The following CAMK1D variants were observed in gnomAD, a reference collection of about 807,000 sequenced individuals.
The protein encoded by CAMK1D is calcium/calmodulin-dependent protein kinase type 1D.
CAMK1D carries 9 observed loss-of-function variants against 47.7 expected under a neutral mutation model. The observed-to-expected ratio is 0.19, with a 90% CI of 0.11 to 0.33. CAMK1D has a LOEUF of 0.33. Among genes scored for constraint, CAMK1D ranks in the 10% least tolerant of loss-of-function variants. The pLI, the probability that CAMK1D is intolerant of heterozygous loss-of-function variation, is 1.00. For missense variants in CAMK1D, 291 were observed against 488.7 expected (o/e 0.60, Z 3.81); for synonymous variants, 184 against 184.9 (o/e 0.99, Z 0.04).
chr10:12,701,046 T>C (rs1434665405), intron 3 of CAMK1D, among the ~76,000 whole-genome samples: 1 of 152,250 alleles, frequency 6.6e-6, no homozygotes, highest in Middle Eastern at 3.4e-3. Context: ...TTGGCTATGA[T>C]TGAAAATTTA....
At chr10:12,468,626 G>T (rs1220291289) in intron 1 of CAMK1D, among the ~76,000 whole-genome samples, 1 of 152,206 alleles carries the variant, frequency 6.6e-6, no homozygotes, top group Non-Finnish European at 1.5e-5. Flanking sequence ...AGCACTGCCT[G>T]TGTTCTCTGG....
At chr10:12,799,067 G>A (rs1043706627) in intron 6 of CAMK1D, among the ~76,000 whole-genome samples, 2 of 152,180 alleles carry the variant, frequency 1.3e-5, no homozygotes, top group Non-Finnish European at 2.9e-5. Context: ...AGGCCAGGAG[G>A]GGAGGGATTC....
At chr10:12,615,344 GTAAT>G (rs984736412) in intron 2 of CAMK1D, among the ~76,000 whole-genome samples, 17 of 152,328 alleles carry the variant, frequency 1.1e-4, no homozygotes, top group South Asian at 4.1e-4. Context: ...ATATATTGGA[GTAAT>G]TAATTTACTC....
At chr10:12,686,313 T>TTTTA (rs1180542071) in intron 3 of CAMK1D, among the ~76,000 whole-genome samples, 6 of 152,142 alleles carry the variant, frequency 3.9e-5, no homozygotes, top group Admixed American at 2.6e-4. Context: ...AGTACATACT[T>TTTTA]TTTATTTATT....
rs1329077044 is a variant in CAMK1D at position 12,492,705 on chromosome 10, C to T, written c.93-60520C>T. 4.6e-5 allele frequency among the ~76,000 whole-genome samples: 7 copies of T among 152,312 alleles called. No individual in the cohort carries two copies. The East Asian group carries it at 1.3e-3, about 29-fold the overall frequency. ...TGACAGTCATGGTATCACATGGTGA[C>T]ACTCACCATTTAAGGGCCACAGGAC... On this transcript the variant is annotated intron_variant, in intron 1 of 10. Coordinates refer to ENST00000619168, the MANE Select transcript of CAMK1D (RefSeq NM_153498.4).
intron 4 of CAMK1D, among the ~76,000 whole-genome samples, chr10:12,768,158 C>T (rs1490095944): frequency 2.0e-5 from 3 of 152,208 alleles, no homozygotes; most frequent in African/African-American, 4.8e-5. Flanking sequence ...CAGGTGTAAA[C>T]CACCGTGCCT....
At chr10:12,436,402 G>A (rs1035600484) in intron 1 of CAMK1D, among the ~76,000 whole-genome samples, 3 of 152,244 alleles carry the variant, frequency 2.0e-5, no homozygotes, top group Non-Finnish European at 4.4e-5. Context: ...TGTCCAAGGA[G>A]AATGAAGAGC....
At position 12,761,093 on chromosome 10, in the gene CAMK1D, C is replaced by T; in HGVS notation, c.438+7C>T. The T allele has an allele frequency of 6.2e-7, 1 of 1,612,794 alleles. No individual in the cohort carries two copies. Among genetic ancestry groups the T allele is most frequent in the East Asian group, 2.2e-5 (1 of 44,840 alleles). On this transcript the variant is annotated splice_region_variant and intron_variant, in intron 4 of 10. Coordinates refer to ENST00000619168, the MANE Select transcript of CAMK1D (RefSeq NM_153498.4). ...CGTCCACAGAGACCTCAAGGTGAGG[C>T]CATCGCTCAGCAGCATCCTGCAGCC... is the stretch of plus-strand genomic sequence containing the variant.
intron 6 of CAMK1D, among the ~76,000 whole-genome samples, chr10:12,808,844 T>C (rs1832479906): frequency 6.6e-6 from 1 of 151,552 alleles, no homozygotes; most frequent in African/African-American, 2.4e-5. Context: ...GGGCTGGGTG[T>C]GGTGGCTTAT....
At chr10:12,595,814 C>T (rs1401700080) in intron 2 of CAMK1D, among the ~76,000 whole-genome samples, 1 of 152,118 alleles carries the variant, frequency 6.6e-6, no homozygotes, top group Non-Finnish European at 1.5e-5. Context: ...GTATTTCCTC[C>T]TGATTTTTGA....
intron 2 of CAMK1D, among the ~76,000 whole-genome samples, chr10:12,659,539 C>T (rs987550637): frequency 3.9e-5 from 6 of 152,316 alleles, no homozygotes; most frequent in Admixed American, 3.9e-4. Flanking sequence ...TCAGTGCTAT[C>T]ACTGTTCTTG....
At chr10:12,808,787 A>G (rs1165860844) in intron 6 of CAMK1D, among the ~76,000 whole-genome samples, 4 of 152,090 alleles carry the variant, frequency 2.6e-5, no homozygotes, top group Non-Finnish European at 4.4e-5. Context: ...TCAAAAAACA[A>G]ACAAATAAAC....
At chr10:12,674,908 T>G (rs565706543) in intron 3 of CAMK1D, among the ~76,000 whole-genome samples, 2 of 151,754 alleles carry the variant, frequency 1.3e-5, no homozygotes, top group Non-Finnish European at 2.9e-5. Flanking sequence ...GGCAGGTGCC[T>G]GTAATCCCAG....
intron 6 of CAMK1D, among the ~76,000 whole-genome samples, chr10:12,797,001 A>G (rs570036262): frequency 6.6e-6 from 1 of 152,314 alleles, no homozygotes; most frequent in African/African-American, 2.4e-5. Context: ...TCTCCCCTAT[A>G]GGAAATGCTC....
At chr10:12,425,600 C>T (rs139673050) in intron 1 of CAMK1D, among the ~76,000 whole-genome samples, 7 of 152,242 alleles carry the variant, frequency 4.6e-5, no homozygotes, top group South Asian at 4.1e-4. Context: ...CCTTTGCCTA[C>T]GCCCTCCAGA....
At chr10:12,702,347 T>C (rs1564505041) in intron 3 of CAMK1D, among the ~76,000 whole-genome samples, 1 of 152,210 alleles carries the variant, frequency 6.6e-6, no homozygotes, top group African/African-American at 2.4e-5. Flanking sequence ...CTGTTAAATA[T>C]GCCACACCTC....
chr10:12,622,011 G>T (rs1366058532), intron 2 of CAMK1D, among the ~76,000 whole-genome samples: 1 of 152,206 alleles, frequency 6.6e-6, no homozygotes, highest in Non-Finnish European at 1.5e-5. Flanking sequence ...CCACTGTGCA[G>T]TGGGAGTAGA....
intron 1 of CAMK1D, among the ~76,000 whole-genome samples, chr10:12,469,025 G>T (rs1029489556): frequency 6.6e-5 from 10 of 152,120 alleles, no homozygotes; most frequent in African/African-American, 2.4e-4. Flanking sequence ...GATTCACATG[G>T]ATGGAAATCA....
rs1321254453 is a variant in CAMK1D, at chr10:12,519,404, C to G, written c.93-33821C>G. On this transcript the variant is annotated intron_variant, in intron 1 of 10. Transcript: ENST00000619168. ...GGGCGGCTGGCCGACCCCCCCCCCC[C>G]CGCCTCCCTCCCGGACGGGGCGGCT... 4.4e-4 allele frequency among the ~76,000 whole-genome samples: 7 copies of G among 15,748 alleles called. 1 individual carries two copies. In the South Asian group the frequency reaches 0.01, roughly 22 times the overall value. 10.3% of individuals were successfully genotyped at this position (15,748 alleles called of 152,430 possible).
Sources: allele counts gnomAD v4.1 joint callset (sites outside exome capture counted in the v4.1 genomes callset), GRCh38; gene constraint gnomAD v4.1.1; transcripts MANE v1.5; gene names NCBI Gene and HGNC (gene_info 2026-07-23, HGNC 2026-07-21).